The following PRKN variants were observed in gnomAD, a reference collection of about 807,000 sequenced individuals.
The protein encoded by PRKN is E3 ubiquitin-protein ligase parkin.
A neutral mutation model predicts 59.5 loss-of-function variants in PRKN; 56 were observed. The ratio of observed to expected loss-of-function variants is 0.94; its 90% CI spans 0.76 to 1.18. The LOEUF is 1.18. Ranked by LOEUF, PRKN falls within the 50% of genes most tolerant of loss-of-function variation. PRKN has a pLI of 0.00. For missense variants in PRKN, 657 were observed against 596.4 expected (o/e 1.10, Z -1.06); for synonymous variants, 250 against 222.1 (o/e 1.13, Z -1.12).
At position 162,022,639 on chromosome 6, in the gene PRKN, G is replaced by C. The variant is rs149891317; in HGVS notation, c.618+31452C>G. ...CTGTAAGTTGTCAGTTTACTCTGTT[G>C]ATTGTTTCTTTTGCTGTGCAGAAGC... On this transcript the variant is annotated intron_variant, in intron 5 of 11. Transcript: ENST00000366898. 2.6e-5 allele frequency among the ~76,000 whole-genome samples: 4 copies of C among 152,162 alleles called. No homozygotes were observed. In the East Asian group the frequency reaches 7.7e-4, roughly 29 times the overall value.
At chr6:161,782,500 C>T (rs116133579) in intron 7 of PRKN, among the ~76,000 whole-genome samples, 2,628 of 151,910 alleles carry the variant, frequency 0.017, 69 homozygotes, top group African/African-American at 0.06. Context: ...AGAAAGAGAA[C>T]GTAGATAAAG....
chr6:161,783,590 C>A lies in PRKN; in HGVS notation c.871+2182G>T, dbSNP rs980777153. 1.5e-4 allele frequency: 71 copies of A among 484,208 alleles called. 1 individual carries two copies. Among genetic ancestry groups the A allele is most frequent in the South Asian group, 1.1e-3 (70 of 63,830 alleles). The allele number at this position is 484,208 out of a possible 1,614,324, so 30.0% of individuals were successfully genotyped here. On this transcript the variant is annotated intron_variant, in intron 7 of 11. Coordinates refer to ENST00000366898, the MANE Select transcript of PRKN (RefSeq NM_004562.3). ...TAAAAGAAAATGGGTTCAAAATGAACTGATAACTAAAAAGATAGAGTGTGA... is the reference window on the plus strand; with the variant it reads ...TAAAAGAAAATGGGTTCAAAATGAAATGATAACTAAAAAGATAGAGTGTGA...
rs147155134 is a variant in PRKN, at chr6:162,346,305, A to T, written c.172-83540T>A. ...CGTATTTTCCACAGTTTTTAAATAG[A>T]TCTTTTTCTATTAGATTAATGAAAA... On this transcript the variant is annotated intron_variant, in intron 2 of 11. Transcript: ENST00000366898. 1.8e-3 allele frequency among the ~76,000 whole-genome samples: 267 copies of T among 152,108 alleles called. 1 individual carries two copies. In the East Asian group the frequency reaches 0.025, roughly 14 times the overall value.
intron 1 of PRKN, among the ~76,000 whole-genome samples, chr6:162,573,839 C>A (rs1780447820): frequency 6.6e-6 from 1 of 152,166 alleles, no homozygotes; most frequent in Non-Finnish European, 1.5e-5. Context: ...TTATGTAACA[C>A]AAAGCTCGCT....
chr6:161,731,613 T>C (rs1787715042), intron 7 of PRKN, among the ~76,000 whole-genome samples: 1 of 152,180 alleles, frequency 6.6e-6, no homozygotes, highest in Non-Finnish European at 1.5e-5. Flanking sequence ...TTTGGAAATA[T>C]AAAACTGAAT....
intron 6 of PRKN, among the ~76,000 whole-genome samples, chr6:161,966,491 C>G (rs1315130670): frequency 1.3e-5 from 2 of 152,176 alleles, no homozygotes; most frequent in African/African-American, 4.8e-5. Context: ...TTACCTGTGC[C>G]ATTTTTATAT....
At chr6:161,374,021 C>G (rs1319466428) in intron 10 of PRKN, among the ~76,000 whole-genome samples, 2 of 152,148 alleles carry the variant, frequency 1.3e-5, no homozygotes, top group East Asian at 1.9e-4. Flanking sequence ...CTGGACAAAT[C>G]CAGCATTTTC....
chr6:161,814,263 C>CTGG (rs1322749675), intron 6 of PRKN, among the ~76,000 whole-genome samples: 4 of 152,168 alleles, frequency 2.6e-5, no homozygotes, highest in Non-Finnish European at 4.4e-5. Context: ...ACAAAGAATA[C>CTGG]ACAAAAATGT....
At chr6:162,564,917 T>C (rs1352523405) in intron 1 of PRKN, among the ~76,000 whole-genome samples, 2 of 145,884 alleles carry the variant, frequency 1.4e-5, no homozygotes. Context: ...CACCTGAAGG[T>C]ACAAAACTCA....
intron 1 of PRKN, among the ~76,000 whole-genome samples, chr6:162,591,371 A>G (rs184964723): frequency 3.9e-5 from 6 of 152,028 alleles, no homozygotes; most frequent in Non-Finnish European, 5.9e-5. Context: ...AATTTAAAAA[A>G]TTTTTCACGG....
chr6:161,495,217 G>A (rs1042360959), intron 9 of PRKN, among the ~76,000 whole-genome samples: 2 of 152,018 alleles, frequency 1.3e-5, no homozygotes, highest in Non-Finnish European at 2.9e-5. Context: ...ACCTCCCTTC[G>A]GACTACCCAC....
chr6:161,450,743 GAC>G (rs1789697801), intron 9 of PRKN, among the ~76,000 whole-genome samples: 1 of 152,092 alleles, frequency 6.6e-6, no homozygotes, highest in African/African-American at 2.4e-5. Context: ...TTTTAGTAGA[GAC>G]AGGGTTTCAC....
intron 1 of PRKN, among the ~76,000 whole-genome samples, chr6:162,630,646 T>A (rs1439688522): frequency 6.6e-6 from 1 of 152,272 alleles, no homozygotes; most frequent in South Asian, 2.1e-4. Flanking sequence ...AGCAAAGATA[T>A]CTTTATCTGT....
At chr6:162,184,058 T>C (rs763227333) in intron 4 of PRKN, among the ~76,000 whole-genome samples, 1 of 152,154 alleles carries the variant, frequency 6.6e-6, no homozygotes, top group Non-Finnish European at 1.5e-5. Flanking sequence ...TCTGACTATT[T>C]AATTTTCTTT....
At chr6:161,627,434 T>C (rs1268948195) in intron 7 of PRKN, among the ~76,000 whole-genome samples, 1 of 152,244 alleles carries the variant, frequency 6.6e-6, no homozygotes. Context: ...GGACTTTACA[T>C]GCTACTTAAA....
At chr6:162,164,979 G>T (rs1482152124) in intron 4 of PRKN, among the ~76,000 whole-genome samples, 2 of 148,506 alleles carry the variant, frequency 1.3e-5, no homozygotes. Context: ...AACCTAAGTG[G>T]GTATTGCTAC....
At chr6:162,218,491 G>A (rs1335674305) in intron 3 of PRKN, among the ~76,000 whole-genome samples, 1 of 152,180 alleles carries the variant, frequency 6.6e-6, no homozygotes, top group Non-Finnish European at 1.5e-5. Flanking sequence ...CTGTTCTGGA[G>A]TGCCTCTGTG....
intron 5 of PRKN, among the ~76,000 whole-genome samples, chr6:161,991,105 T>A (rs952981522): frequency 2.0e-5 from 3 of 152,092 alleles, no homozygotes; most frequent in African/African-American, 7.2e-5. Flanking sequence ...TATAGAGTGC[T>A]GAATGAAAAA....
chr6:162,193,296 C>A (rs1024122900), intron 4 of PRKN, among the ~76,000 whole-genome samples: 10 of 152,184 alleles, frequency 6.6e-5, no homozygotes, highest in South Asian at 2.1e-4. Flanking sequence ...AGAAGAGTAA[C>A]AACGAATTGG....
Sources: allele counts gnomAD v4.1 joint callset (sites outside exome capture counted in the v4.1 genomes callset), GRCh38; gene constraint gnomAD v4.1.1; transcripts MANE v1.5; gene names NCBI Gene and HGNC (gene_info 2026-07-23, HGNC 2026-07-21).